B4GALT5: variants seen among roughly 807,000 people sequenced by gnomAD.
B4GALT5 encodes the protein UDP-Gal:beta-GlcNAc beta-1,4-galactosyltransferase 5.
A neutral mutation model predicts 45.0 loss-of-function variants in B4GALT5; 11 were observed. The observed-to-expected ratio is 0.24, with a 90% CI of 0.15 to 0.40. The LOEUF is 0.40. B4GALT5 is among the 10% of genes least tolerant of loss of function. The pLI, the probability that B4GALT5 is intolerant of heterozygous loss-of-function variation, is 1.00. For synonymous variants in B4GALT5, 185 were observed against 182.9 expected (o/e 1.01, Z -0.09); for missense variants, 337 against 500.2 (o/e 0.67, Z 3.11).
rs1488263611 is a variant in B4GALT5, at chr20:49,636,186, T to A, written c.*126A>T. ...GCTGTCACATTTTCCCCCTGAACTC[T>A]GTGATCCTTCATGAGACACAGTATT... On this transcript the variant is annotated 3_prime_UTR_variant, in exon 9 of 9. Transcript: ENST00000371711. The A allele has an allele frequency of 4.7e-6, 6 of 1,277,814 alleles. No individual in the cohort carries two copies. The East Asian group carries it at 1.4e-4, about 30-fold the overall frequency. 79.2% of individuals were successfully genotyped at this position (1,277,814 alleles called of 1,614,324 possible).
intron 1 of B4GALT5, among the ~76,000 whole-genome samples, chr20:49,694,227 A>G (rs191008431): frequency 1.6e-3 from 250 of 152,244 alleles, no homozygotes; most frequent in Non-Finnish European, 2.4e-3. Flanking sequence ...ATGTGCCTAG[A>G]TGGGAAAAGA....
intron 7 of B4GALT5, 68 bp downstream of exon 7, chr20:49,639,610 A>G (rs2085567447): frequency 6.3e-7 from 1 of 1,575,142 alleles, no homozygotes; most frequent in Non-Finnish European, 8.6e-7. Context: ...TTATATTCCT[A>G]TCGGATAGTA....
chr20:49,674,464 G>A (rs1009192352), intron 1 of B4GALT5, among the ~76,000 whole-genome samples: 1 of 151,476 alleles, frequency 6.6e-6, no homozygotes, highest in Non-Finnish European at 1.5e-5. Context: ...ATTTAGGGTC[G>A]GGTGTGGTGG....
At chr20:49,663,688 AAAATATATACATAT>A (rs1568722560) in intron 1 of B4GALT5, among the ~76,000 whole-genome samples, 4 of 106,916 alleles carry the variant, frequency 3.7e-5, no homozygotes, top group African/African-American at 1.1e-4. Flanking sequence ...AAAAAAAAAA[AAAATATATACATAT>A]ATATATATAT....
intron 1 of B4GALT5, among the ~76,000 whole-genome samples, chr20:49,659,145 T>C (rs937460902): frequency 6.6e-6 from 1 of 152,234 alleles, no homozygotes; most frequent in African/African-American, 2.4e-5. Context: ...ATGGCTTAAA[T>C]GCTTACTCTT....
chr20:49,649,909 A>C (rs2085614353), intron 2 of B4GALT5, among the ~76,000 whole-genome samples: 1 of 152,250 alleles, frequency 6.6e-6, no homozygotes. Context: ...ATTCACTAGA[A>C]GGCAATGAAA....
intron 1 of B4GALT5, among the ~76,000 whole-genome samples, chr20:49,668,057 G>A (rs960675646): frequency 6.6e-6 from 1 of 152,108 alleles, no homozygotes; most frequent in African/African-American, 2.4e-5. Context: ...AGAACTGGGA[G>A]GAGGGGGGAC....
chr20:49,645,890 T>C (rs2085597020), intron 3 of B4GALT5, among the ~76,000 whole-genome samples: 1 of 152,070 alleles, frequency 6.6e-6, no homozygotes, highest in Non-Finnish European at 1.5e-5. Flanking sequence ...GGGTCTTGCT[T>C]TGTTGCCCAG....
chr20:49,655,439 A>C (rs796591259), intron 2 of B4GALT5, among the ~76,000 whole-genome samples: 13 of 152,194 alleles, frequency 8.5e-5, no homozygotes, highest in African/African-American at 3.1e-4. Flanking sequence ...TCTCAAAAAA[A>C]CCCAAACAAA....
intron 1 of B4GALT5, among the ~76,000 whole-genome samples, chr20:49,703,964 T>C (rs1448405201): frequency 1.3e-5 from 2 of 152,222 alleles, no homozygotes; most frequent in Non-Finnish European, 2.9e-5. Flanking sequence ...ATTTTTGGTC[T>C]ATCTGGTTTG....
At chr20:49,636,758 G>C (rs932043829) in intron 8 of B4GALT5, among the ~76,000 whole-genome samples, 1 of 152,208 alleles carries the variant, frequency 6.6e-6, no homozygotes, top group African/African-American at 2.4e-5. Context: ...CAAGGTCAGA[G>C]AGTGGGGAAG....
intron 2 of B4GALT5, among the ~76,000 whole-genome samples, chr20:49,653,053 T>C (rs2085628680): frequency 6.6e-6 from 1 of 152,226 alleles, no homozygotes; most frequent in East Asian, 1.9e-4. Context: ...TTCAGTGAAA[T>C]GCTATTTTCT....
intron 1 of B4GALT5, among the ~76,000 whole-genome samples, chr20:49,680,078 T>C (rs947959178): frequency 2.6e-5 from 4 of 152,214 alleles, no homozygotes; most frequent in Non-Finnish European, 5.9e-5. Flanking sequence ...CTATTTCAAA[T>C]GAGACAAGCT....
At chr20:49,647,334 G>A (rs1262842670) in intron 2 of B4GALT5, among the ~76,000 whole-genome samples, 2 of 152,184 alleles carry the variant, frequency 1.3e-5, no homozygotes, top group Non-Finnish European at 2.9e-5. Flanking sequence ...ACAGTCAACT[G>A]TAATTAAATG....
Position 49,645,973 on chromosome 20 carries a change from G to A in B4GALT5, c.364+992C>T, listed in dbSNP as rs947769309. Among the ~76,000 whole-genome samples, 3 of 151,548 alleles carry A rather than the reference G, an allele frequency of 2.0e-5. No homozygotes were observed. The East Asian group carries it at 5.8e-4, about 30-fold the overall frequency. On this transcript the variant is annotated intron_variant, in intron 3 of 8. Coordinates refer to ENST00000371711, the MANE Select transcript of B4GALT5 (RefSeq NM_004776.4). ...GGCCTAGGTGGGAGGGTTGTTTGAG[G>A]CCAGGAGTTCAAGACCAGCCTGGGC... is the stretch of plus-strand genomic sequence containing the variant.
intron 1 of B4GALT5, among the ~76,000 whole-genome samples, chr20:49,668,008 G>A (rs751620916): frequency 3.3e-5 from 5 of 152,118 alleles, no homozygotes; most frequent in African/African-American, 1.2e-4. Context: ...ATATTTTGGA[G>A]CAACCGTGTG....
chr20:49,645,282 T>C (rs2085594311), intron 3 of B4GALT5, among the ~76,000 whole-genome samples: 1 of 152,098 alleles, frequency 6.6e-6, no homozygotes, highest in African/African-American at 2.4e-5. Context: ...GTGATGTGCT[T>C]TGACATTTTC....
At chr20:49,670,559 A>G (rs1360656879) in intron 1 of B4GALT5, among the ~76,000 whole-genome samples, 1 of 152,330 alleles carries the variant, frequency 6.6e-6, no homozygotes, top group South Asian at 2.1e-4. Context: ...TGTCTGACTG[A>G]GTGAGGGTTT....
In B4GALT5 at chr20:49,637,405, C is replaced by T. The variant is rs2085558591; in HGVS notation, c.955G>A (p.Gly319Ser). The change falls in exon 8 of 9, where the codon GGT (glycine) becomes AGT (serine). Residue 319 changes from glycine to serine, a missense_variant. Coordinates refer to ENST00000371711, the MANE Select transcript of B4GALT5 (RefSeq NM_004776.4). Reference sequence around the variant, plus strand: ...ATGGACTTGTACTTTCCTGTGTCACCCTCTGGCCGGCTCACAGAATAGCCT... The same window carrying T: ...ATGGACTTGTACTTTCCTGTGTCACTCTCTGGCCGGCTCACAGAATAGCCT... The part of the protein sequence containing the change: ...NAGYSVSRPE[G>S]DTGKYKSIPH... 6.2e-7 allele frequency: 1 copy of T among 1,613,994 alleles called. No homozygotes were observed. The highest frequency in any genetic ancestry group is 1.3e-5 in the African/African-American group (1 of 74,892).
Sources: gnomAD v4.1 joint callset for allele counts (sites outside exome capture counted in the v4.1 genomes callset) on GRCh38, gnomAD v4.1.1 for gene constraint, MANE v1.5 for transcripts, NCBI Gene and HGNC (gene_info 2026-07-23, HGNC 2026-07-21) for gene names.